EYS: variants seen among roughly 807,000 people sequenced by gnomAD.
EYS encodes the protein EGF-like photoreceptor maintenance factor.
A neutral mutation model predicts 282.1 loss-of-function variants in EYS; 250 were observed. The observed-to-expected ratio is 0.89, with a 90% CI of 0.80 to 0.98. EYS has a LOEUF of 0.98. EYS is among the 50% of genes least tolerant of loss of function. EYS has a pLI of 0.00. For synonymous variants in EYS, 1,355 were observed against 1,282.9 expected (o/e 1.06, Z -1.20); for missense variants, 4,016 against 3,709.0 (o/e 1.08, Z -2.15).
At chr6:65,026,073 A>G (rs1423297592) in intron 13 of EYS, among the ~76,000 whole-genome samples, 1 of 152,182 alleles carries the variant, frequency 6.6e-6, no homozygotes, top group Non-Finnish European at 1.5e-5. Context: ...TTACTTTTCT[A>G]TGATCTTCTA....
chr6:63,940,881 T>C (rs1004642297), intron 35 of EYS, among the ~76,000 whole-genome samples: 4 of 133,580 alleles, frequency 3.0e-5, no homozygotes, highest in Admixed American at 8.3e-5. Flanking sequence ...CCCCACCCTG[T>C]GTCCAAGTGT....
chr6:63,729,520 T>G (rs1768727130), intron 41 of EYS, among the ~76,000 whole-genome samples: 1 of 151,836 alleles, frequency 6.6e-6, no homozygotes, highest in African/African-American at 2.4e-5. Flanking sequence ...TGTGTCTAGA[T>G]TCTTTTTTTT....
chr6:64,486,657 T>C (rs1776586274), intron 26 of EYS, among the ~76,000 whole-genome samples: 1 of 151,376 alleles, frequency 6.6e-6, no homozygotes, highest in South Asian at 2.1e-4. Context: ...TAAGGAAAAC[T>C]ATCCATGTGT....
At chr6:65,512,824 A>G (rs1766950472) in intron 2 of EYS, among the ~76,000 whole-genome samples, 1 of 152,216 alleles carries the variant, frequency 6.6e-6, no homozygotes, top group African/African-American at 2.4e-5. Context: ...CCAAATGCCC[A>G]CAAGAGAAAG....
intron 36 of EYS, among the ~76,000 whole-genome samples, chr6:63,820,400 A>G (rs1416925875): frequency 2.6e-5 from 4 of 152,172 alleles, no homozygotes; most frequent in African/African-American, 9.7e-5. Context: ...CTTCAAATCT[A>G]TTGTTTTTCT....
At chr6:63,951,333 A>G (rs953115293) in intron 35 of EYS, among the ~76,000 whole-genome samples, 3 of 152,180 alleles carry the variant, frequency 2.0e-5, no homozygotes, top group Non-Finnish European at 2.9e-5. Context: ...ATCCTACAAG[A>G]TCTAGGTAAT....
At chr6:65,132,343 T>C (rs1441723352) in intron 12 of EYS, among the ~76,000 whole-genome samples, 1 of 151,856 alleles carries the variant, frequency 6.6e-6, no homozygotes, top group Non-Finnish European at 1.5e-5. Context: ...TCCAGCAGCA[T>C]ATGAAAAAGA....
intron 12 of EYS, among the ~76,000 whole-genome samples, chr6:65,230,024 T>A (rs494707): frequency 0.33 from 50,591 of 151,662 alleles, 9,715 homozygotes; most frequent in African/African-American, 0.53. Flanking sequence ...AAGAAAACAA[T>A]GGCTGACAGA....
intron 12 of EYS, among the ~76,000 whole-genome samples, chr6:65,282,132 A>G (rs1181626532): frequency 6.7e-6 from 1 of 149,220 alleles, no homozygotes; most frequent in Non-Finnish European, 1.5e-5. Flanking sequence ...GACAGGAGGG[A>G]AAAAAATATA....
rs1772611727 is a variant in EYS, at chr6:63,864,041, CTT to C, written c.7228+143_7228+144del. The C allele has an allele frequency of 1.5e-5, 11 of 715,912 alleles. No homozygotes were observed. In the East Asian group the frequency reaches 3.4e-4, roughly 22 times the overall value. 44.3% of individuals were successfully genotyped at this position (715,912 alleles called of 1,614,324 possible). ...TTGGTGATCAGTCTCACTAATGGGT[CTT>C]GTCTCAACTAACTTGAAAAGAACCC... is the stretch of plus-strand genomic sequence containing the variant. On this transcript the variant is annotated intron_variant, in intron 36 of 42. Transcript: ENST00000503581.
intron 35 of EYS, among the ~76,000 whole-genome samples, chr6:63,889,958 G>T (rs141459017): frequency 3.4e-4 from 52 of 151,972 alleles, no homozygotes; most frequent in Admixed American, 3.3e-3. Flanking sequence ...AAAAGCAGGG[G>T]TTACAATCCT....
intron 18 of EYS, among the ~76,000 whole-genome samples, chr6:64,887,201 G>A (rs1767121254): frequency 6.9e-6 from 1 of 145,840 alleles, no homozygotes; most frequent in Non-Finnish European, 1.5e-5. Flanking sequence ...AACACCGCAT[G>A]TTCTCACTCA....
chr6:64,971,371 GAT>G (rs1770288141), intron 14 of EYS, among the ~76,000 whole-genome samples: 1 of 151,920 alleles, frequency 6.6e-6, no homozygotes, highest in Non-Finnish European at 1.5e-5. Flanking sequence ...AGGCGGTAGA[GAT>G]AGGCTAACTC....
At chr6:65,102,581 T>C (rs188780564) in intron 12 of EYS, among the ~76,000 whole-genome samples, 105 of 151,406 alleles carry the variant, frequency 6.9e-4, no homozygotes, top group African/African-American at 2.3e-3. Flanking sequence ...AATTTATGTA[T>C]AAAATATAAT....
intron 22 of EYS, among the ~76,000 whole-genome samples, chr6:64,708,765 T>C (rs1237064929): frequency 6.6e-6 from 1 of 152,202 alleles, no homozygotes; most frequent in Non-Finnish European, 1.5e-5. Flanking sequence ...ACTGTCTGCA[T>C]TGTCCTGGAA....
At chr6:64,140,695 A>G (rs1774312957) in intron 31 of EYS, among the ~76,000 whole-genome samples, 1 of 152,072 alleles carries the variant, frequency 6.6e-6, no homozygotes, top group Non-Finnish European at 1.5e-5. Context: ...TCCTTTCTAC[A>G]CAGCTGGCTC....
At chr6:64,938,583 A>T (rs1054619615) in intron 15 of EYS, among the ~76,000 whole-genome samples, 5 of 151,818 alleles carry the variant, frequency 3.3e-5, no homozygotes, top group African/African-American at 1.2e-4. Context: ...CTACACTTCA[A>T]GTACGCTTAC....
intron 26 of EYS, among the ~76,000 whole-genome samples, chr6:64,583,615 G>A (rs1462121452): frequency 6.6e-6 from 1 of 152,108 alleles, no homozygotes; most frequent in Non-Finnish European, 1.5e-5. Flanking sequence ...GACCAACATG[G>A]AGAAACCCCA....
At chr6:64,887,142 A>G (rs564294257) in intron 18 of EYS, among the ~76,000 whole-genome samples, 108 of 151,914 alleles carry the variant, frequency 7.1e-4, no homozygotes, top group African/African-American at 2.6e-3. Context: ...GACATGGATG[A>G]AGCTGGAAAC....
Sources: allele counts gnomAD v4.1 joint callset (sites outside exome capture counted in the v4.1 genomes callset), GRCh38; gene constraint gnomAD v4.1.1; transcripts MANE v1.5; gene names NCBI Gene and HGNC (gene_info 2026-07-23, HGNC 2026-07-21).